The following CYP4F2 variants were observed in gnomAD, a reference collection of about 807,000 sequenced individuals.
The protein encoded by CYP4F2 is cytochrome P450 4F2.
In CYP4F2, 58 loss-of-function variants were observed where a neutral mutation model predicts 58.9. That is an observed-to-expected ratio of 0.98 (90% CI 0.80 to 1.23). CYP4F2 has a LOEUF of 1.23. Among genes scored for constraint, CYP4F2 ranks in the 50% most tolerant of loss-of-function variants. The pLI is 0.00. For synonymous variants in CYP4F2, 287 were observed against 261.1 expected, an observed-to-expected ratio of 1.10 and a Z score of -0.95; for missense variants, 616 against 685.6, an observed-to-expected ratio of 0.90 and a Z score of 1.13.
At chr19:15,894,028 C>G (rs2089433491) in intron 3 of CYP4F2, 1 of 214,606 alleles carries the variant, frequency 4.7e-6, no homozygotes, top group Non-Finnish European at 9.9e-6. Flanking sequence ...TGCCTCCTCA[C>G]ATCCTCCATG....
At chr19:15,897,195 G>A (rs1434275095) in intron 2 of CYP4F2, among the ~76,000 whole-genome samples, 2 of 152,154 alleles carry the variant, frequency 1.3e-5, no homozygotes. Flanking sequence ...GGCAGGAAAA[G>A]GATTCAATGC....
At chr19:15,890,753 G>A (rs2089411726) in intron 5 of CYP4F2, among the ~76,000 whole-genome samples, 1 of 152,162 alleles carries the variant, frequency 6.6e-6, no homozygotes, top group African/African-American at 2.4e-5. Flanking sequence ...GTGCTTTGGA[G>A]CCATATAATT....
chr19:15,886,459 G>T, intron 7 of CYP4F2, 151 bp from the exon 8 acceptor site: 2 of 983,374 alleles, frequency 2.0e-6, no homozygotes, highest in Non-Finnish European at 3.0e-6. Flanking sequence ...GACCCCTCTT[G>T]GTCACCATGG....
At chr19:15,886,549 A>G in intron 7 of CYP4F2, 1 of 455,312 alleles carries the variant, frequency 2.2e-6, no homozygotes, top group Non-Finnish European at 3.8e-6. Context: ...TCAATGACCC[A>G]TGAATATTTT....
chr19:15,896,395 C>T (rs989608895), intron 2 of CYP4F2, among the ~76,000 whole-genome samples: 7 of 152,184 alleles, frequency 4.6e-5, no homozygotes, highest in African/African-American at 1.7e-4. Flanking sequence ...ACTGTCCACT[C>T]ACAGAGGCCC....
chr19:15,896,025 C>G (rs565441257), intron 2 of CYP4F2, among the ~76,000 whole-genome samples: 2 of 151,306 alleles, frequency 1.3e-5, no homozygotes, highest in Non-Finnish European at 2.9e-5. Flanking sequence ...TCTGTGCATC[C>G]GTGTGTCCAT....
chr19:15,885,424 T>C (rs1163928424), intron 9 of CYP4F2, among the ~76,000 whole-genome samples: 1 of 152,006 alleles, frequency 6.6e-6, no homozygotes, highest in Non-Finnish European at 1.5e-5. Context: ...TGTGCACAGA[T>C]GTGGGGGTGA....
intron 9 of CYP4F2, among the ~76,000 whole-genome samples, chr19:15,885,281 T>G (rs927491000): frequency 6.6e-6 from 1 of 152,160 alleles, no homozygotes; most frequent in Admixed American, 6.5e-5. Context: ...CTTCTCTTAC[T>G]GTAAATCCCA....
rs113560224 is a variant in CYP4F2, at chr19:15,895,010, G to T, written c.343+496C>A. The stretch of plus-strand genomic sequence containing the variant: ...TTTGGGACAGGCAAGGTGATGCTAG[G>T]CCTGGCAAGGGGCCTTGAATACTAA... On this transcript the variant is annotated intron_variant, in intron 3 of 12. Coordinates refer to ENST00000221700, the MANE Select transcript of CYP4F2 (RefSeq NM_001082.5). 8.1e-3 allele frequency among the ~76,000 whole-genome samples: 1,235 copies of T among 152,292 alleles called. 19 individuals carry two copies. Among genetic ancestry groups the T allele is most frequent in the African/African-American group, 0.025 (1,035 of 41,558 alleles).
chr19:15,887,529 CATAG>C (rs1197898889), intron 7 of CYP4F2, among the ~76,000 whole-genome samples: 2 of 146,140 alleles, frequency 1.4e-5, no homozygotes, highest in African/African-American at 2.6e-5. Flanking sequence ...GACACACACA[CATAG>C]ATAAAGTCAC....
rs771576634 is a variant in CYP4F2, at chr19:15,897,532, G to C, written c.80C>G (p.Ala27Gly). ...SPWLLLLLVG[A>G]SWLLAHVLAW... The stretch of plus-strand genomic sequence containing the variant: ...CAGGACATGGGCCAGGAGCCAGGAG[G>C]CCCCGACCAGCAGGAGGAGCAGCCA... The change falls in exon 2 of 13, where the codon GCC (alanine) becomes GGC (glycine). Residue 27 changes from alanine to glycine, a missense_variant. Physicochemically the swap from Ala to Gly is moderately conservative, Grantham distance 60. Transcript: ENST00000221700. The C allele has an allele frequency of 3.7e-6, 6 of 1,614,012 alleles. No individual in the cohort carries two copies. The highest frequency in any genetic ancestry group is 1.7e-5 in the Admixed American group (1 of 60,012).
intron 2 of CYP4F2, 85 bp downstream of exon 2, chr19:15,897,329 C>T (rs945693149): frequency 8.1e-7 from 1 of 1,235,328 alleles, no homozygotes. Context: ...CCCAGCCCAC[C>T]CCTTCACCCC....
intron 2 of CYP4F2, 71 bp downstream of exon 2, chr19:15,897,341 ACT>A: frequency 4.3e-6 from 3 of 701,546 alleles, no homozygotes; most frequent in African/African-American, 2.2e-5. Context: ...CTTCACCCCC[ACT>A]CCCTAAGCCT....
chr19:15,889,609 G>C lies in CYP4F2; in HGVS notation c.732C>G (p.Asp244Glu). Residue 244 changes from aspartate to glutamate, a missense_variant, in exon 7 of 13, where the codon GAC becomes GAG. Coordinates refer to ENST00000221700, the MANE Select transcript of CYP4F2 (RefSeq NM_001082.5). ...CATCAGGGGTGAGATAATACAGGAA[G>C]TCAATATGCAGGAGGATCTCATGGT... ...KRHHEILLHIDFLYYLTPDGQ... is the reference protein window; with the variant it reads ...KRHHEILLHIEFLYYLTPDGQ... 6.2e-7 allele frequency: 1 copy of C among 1,614,212 alleles called. No individual in the cohort carries two copies. Among genetic ancestry groups the C allele is most frequent in the Non-Finnish European group, 8.5e-7 (1 of 1,180,040 alleles).
At chr19:15,887,338 A>C (rs1239727935) in intron 7 of CYP4F2, among the ~76,000 whole-genome samples, 2 of 151,450 alleles carry the variant, frequency 1.3e-5, no homozygotes, top group African/African-American at 2.4e-5. Context: ...ACACGTAAAC[A>C]TAGACATAGA....
chr19:15,886,014 T>C lies in CYP4F2; in HGVS notation c.1025A>G (p.Tyr342Cys). The change falls in exon 9 of 13, where the codon TAC becomes TGC. Residue 342 changes from tyrosine to cysteine, a missense_variant. Physicochemically the swap from Tyr to Cys is radical, Grantham distance 194 (BLOSUM62 -2). Coordinates refer to ENST00000221700, the MANE Select transcript of CYP4F2 (RefSeq NM_001082.5). ...GTATTCTGGGTGCTTTGCAAGGTGGTACAGGACCCAGGAGAGACCACTGGC... is the reference window on the plus strand; with the variant it reads ...GTATTCTGGGTGCTTTGCAAGGTGGCACAGGACCCAGGAGAGACCACTGGC... ...TTASGLSWVL[Y>C]HLAKHPEYQE... The C allele has an allele frequency of 1.2e-6, 2 of 1,614,022 alleles. No homozygotes were observed. The highest frequency in any genetic ancestry group is 1.7e-6 in the Non-Finnish European group (2 of 1,180,006).
intron 6 of CYP4F2, 128 bp from the exon 7 acceptor site, chr19:15,889,821 G>A: frequency 7.4e-7 from 1 of 1,350,780 alleles, no homozygotes; most frequent in South Asian, 1.4e-5. Flanking sequence ...TGACCCCACA[G>A]ATACAGGGTG....
In CYP4F2 at chr19:15,879,405, G is replaced by A; in HGVS notation, c.1338C>T (p.Asp446=). The change falls in exon 12 of 13, where the codon GAC becomes GAT. Residue 446 remains aspartate, a synonymous_variant. Coordinates refer to ENST00000221700, the MANE Select transcript of CYP4F2 (RefSeq NM_001082.5). ...GTGACCTCTCCTTGATGTTCTCTGG[G>A]TCAAAGCGAAAGGGGTCGTAGACCT... The part of the protein sequence containing the change: ...DPEVYDPFRF[D]PENIKERSPL... 6.2e-7 allele frequency: 1 copy of A among 1,614,134 alleles called. No individual in the cohort carries two copies. The highest frequency in any genetic ancestry group is 2.2e-5 in the East Asian group (1 of 44,852).
chr19:15,881,801 TA>T (rs563702923), intron 9 of CYP4F2, among the ~76,000 whole-genome samples: 265 of 141,484 alleles, frequency 1.9e-3, no homozygotes, highest in South Asian at 2.4e-3. Context: ...CATTCAGCCT[TA>T]AAAAAAAAAA....
Sources: gnomAD v4.1 joint callset for allele counts (sites outside exome capture counted in the v4.1 genomes callset) on GRCh38, gnomAD v4.1.1 for gene constraint, MANE v1.5 for transcripts, NCBI Gene and HGNC (gene_info 2026-07-23, HGNC 2026-07-21) for gene names.